MIA2: variants seen among roughly 807,000 people sequenced by gnomAD.
MIA2 encodes melanoma inhibitory activity protein 2.
MIA2 carries 127 observed loss-of-function variants against 167.8 expected under a neutral mutation model. That is an observed-to-expected ratio of 0.76 (90% CI 0.66 to 0.88). The LOEUF (loss-of-function observed/expected upper bound fraction) is 0.88, where lower values mean the gene tolerates loss of function less well. MIA2 is among the 40% of genes least tolerant of loss of function. The probability of loss-of-function intolerance (pLI) is 0.00; values close to 1 mark genes in which losing one functional copy is unlikely to be tolerated. For missense variants in MIA2, 1,690 were observed against 1,624.7 expected (o/e 1.04, Z -0.69); for synonymous variants, 552 against 541.9 (o/e 1.02, Z -0.26).
chr14:39,323,181 G>A (rs1211672738), intron 24 of MIA2, among the ~76,000 whole-genome samples: 2 of 152,066 alleles, frequency 1.3e-5, no homozygotes, highest in Admixed American at 1.3e-4. Context: ...TATCCTGTTT[G>A]TATCCTCTTT....
At chr14:39,290,512 T>G (rs1461296679) in intron 9 of MIA2, among the ~76,000 whole-genome samples, 1 of 152,204 alleles carries the variant, frequency 6.6e-6, no homozygotes, top group Non-Finnish European at 1.5e-5. Context: ...TTAAAGATTT[T>G]TATATTCCCC....
rs752204140 is a variant in MIA2 at position 39,246,935 on chromosome 14, G to A, written c.361G>A (p.Gly121Arg). Residue 121 changes from glycine to arginine, a missense_variant, in exon 4 of 29, where the codon GGA becomes AGA. Coordinates refer to ENST00000640607, the MANE Select transcript of MIA2 (RefSeq NM_001329214.4). The part of the protein sequence containing the change: ...TKESDFLCLL[G>R]VSYTFDNEDS... The stretch of plus-strand genomic sequence containing the variant: ...GGAATCTGACTTTCTTTGTCTTCTT[G>A]GAGTAAGTTACACATTTGACAATGA... 21 of 1,512,558 alleles carry A rather than the reference G, an allele frequency of 1.4e-5. No homozygotes were observed. In the South Asian group the frequency reaches 2.5e-4, roughly 18 times the overall value. The allele number at this position is 1,512,558 out of a possible 1,614,324, so 93.7% of individuals were successfully genotyped here.
chr14:39,253,235 A>G (rs2054656178), intron 6 of MIA2, 64 bp downstream of exon 6: 1 of 1,585,870 alleles, frequency 6.3e-7, no homozygotes, highest in Non-Finnish European at 8.6e-7. Context: ...AAGAGTGGCT[A>G]CAAAATATGT....
intron 25 of MIA2, among the ~76,000 whole-genome samples, chr14:39,327,323 C>T (rs1339982387): frequency 6.6e-6 from 1 of 152,082 alleles, no homozygotes; most frequent in African/African-American, 2.4e-5. Flanking sequence ...AGTGAAAAAT[C>T]CCTTTTGTCA....
intron 11 of MIA2, among the ~76,000 whole-genome samples, chr14:39,293,772 G>A (rs567265838): frequency 6.6e-6 from 1 of 152,234 alleles, no homozygotes; most frequent in Non-Finnish European, 1.5e-5. Flanking sequence ...GACTTATCTT[G>A]AGCCTATATA....
At chr14:39,382,790 A>G (rs2075192962) in intron 23 of MIA2, among the ~76,000 whole-genome samples, 1 of 151,984 alleles carries the variant, frequency 6.6e-6, no homozygotes, top group Admixed American at 6.6e-5. Flanking sequence ...CAGACTTTTT[A>G]TTTTCCTTTC....
chr14:39,376,717 C>G (rs6571929), intron 23 of MIA2, among the ~76,000 whole-genome samples: 1 of 151,998 alleles, frequency 6.6e-6, no homozygotes, highest in Non-Finnish European at 1.5e-5. Flanking sequence ...CCTTTCTCCA[C>G]AGATGATTTT....
intron 4 of MIA2, among the ~76,000 whole-genome samples, chr14:39,250,427 G>T (rs1300157783): frequency 6.6e-6 from 1 of 151,936 alleles, no homozygotes; most frequent in East Asian, 1.9e-4. Context: ...GGGGTGTGGT[G>T]GCTCATGCCT....
chr14:39,317,467 C>T (rs1358022524), intron 21 of MIA2, among the ~76,000 whole-genome samples: 1 of 152,074 alleles, frequency 6.6e-6, no homozygotes, highest in Non-Finnish European at 1.5e-5. Context: ...CCCAGGCTGG[C>T]TGAGTTTAGA....
At chr14:39,344,980 A>G (rs1255029840) in intron 25 of MIA2, among the ~76,000 whole-genome samples, 1 of 152,144 alleles carries the variant, frequency 6.6e-6, no homozygotes, top group Non-Finnish European at 1.5e-5. Flanking sequence ...TTGGTGTCCA[A>G]ATTTGTGTCT....
chr14:39,375,131 C>G (rs1274822856), intron 23 of MIA2, among the ~76,000 whole-genome samples: 2 of 152,146 alleles, frequency 1.3e-5, no homozygotes, highest in Non-Finnish European at 2.9e-5. Context: ...AGCATGTGCT[C>G]CCAATTAAAA....
downstream of MIA2, among the ~76,000 whole-genome samples, chr14:39,355,445 A>G (rs1050503660): frequency 1.3e-5 from 2 of 152,068 alleles, no homozygotes; most frequent in Non-Finnish European, 2.9e-5. Context: ...GCTTAAGGAG[A>G]TTTTGGGCTG....
intron 18 of MIA2, among the ~76,000 whole-genome samples, chr14:39,313,127 A>G (rs1420772757): frequency 4.7e-5 from 7 of 149,578 alleles, no homozygotes; most frequent in Non-Finnish European, 8.9e-5. Flanking sequence ...GTAGTTCTGT[A>G]TTAGACACAA....
At position 39,348,863 on chromosome 14, in the gene MIA2, T is replaced by C. The variant is rs376423122; in HGVS notation, c.3958T>C (p.Phe1320Leu). ...GTTTCCAGTGGATGCAAGAGGCCCATTCTTGAGAAGAGGACCTCCTTTCCC... is the reference window on the plus strand; with the variant it reads ...GTTTCCAGTGGATGCAAGAGGCCCACTCTTGAGAAGAGGACCTCCTTTCCC... ...PLFPVDARGP[F>L]LRRGPPFPPP... The change falls in exon 28 of 29, where the codon TTC becomes CTC. Residue 1320 changes from phenylalanine (F) to leucine (L), a missense_variant. By Grantham distance (22) the Phe-to-Leu change is conservative (BLOSUM62 0). Transcript: ENST00000640607. 6.8e-6 allele frequency: 11 copies of C among 1,614,138 alleles called. No individual in the cohort carries two copies. The highest frequency in any genetic ancestry group is 9.3e-6 in the Non-Finnish European group (11 of 1,180,008).
rs1298664960 is a variant in MIA2, at chr14:39,277,696, A to G, written c.2019+631A>G. Among the ~76,000 whole-genome samples the G allele has an allele frequency of 8.4e-4, 5 of 5,968 alleles. 1 individual carries two copies. Among genetic ancestry groups the G allele is most frequent in the African/African-American group, 8.1e-3 (5 of 618 alleles). The allele number at this position is 5,968 out of a possible 152,430, so 3.9% of individuals were successfully genotyped here. On this transcript the variant is annotated intron_variant, in intron 7 of 28. Coordinates refer to ENST00000640607, the MANE Select transcript of MIA2 (RefSeq NM_001329214.4). ...TTTATATATATATATATGTGTGTAT[A>G]TATATATATATATATATATGTGTGT...
Position 39,315,733 on chromosome 14 carries a change from T to C in MIA2, c.3216+15T>C, listed in dbSNP as rs1291535553. On this transcript the variant is annotated intron_variant, in intron 21 of 28. Coordinates refer to ENST00000640607, the MANE Select transcript of MIA2 (RefSeq NM_001329214.4). ...ATGATAATTGGGTAAGTTTAAAATT[T>C]CCTTAAGTCTCTTTTGTCAAATTGT... is the stretch of plus-strand genomic sequence containing the variant. The C allele has an allele frequency of 1.1e-5, 16 of 1,519,712 alleles. No individual in the cohort carries two copies. Among genetic ancestry groups the C allele is most frequent in the Non-Finnish European group, 1.4e-5 (16 of 1,109,922 alleles). 94.1% of individuals were successfully genotyped at this position (1,519,712 alleles called of 1,614,324 possible).
Position 39,234,010 on chromosome 14 carries a change from T to C in MIA2, c.-105T>C, listed in dbSNP as rs1566577285. 5 of 588,506 alleles carry C rather than the reference T, an allele frequency of 8.5e-6. No homozygotes were observed. The highest frequency in any genetic ancestry group is 1.2e-5 in the Non-Finnish European group (4 of 339,608). 36.5% of individuals were successfully genotyped at this position (588,506 alleles called of 1,614,324 possible). A position where few individuals can be genotyped will look rare whatever the true frequency, so the allele number is the denominator to read the frequency against. On this transcript the variant is annotated 5_prime_UTR_variant, in exon 1 of 29. Coordinates refer to ENST00000640607, the MANE Select transcript of MIA2 (RefSeq NM_001329214.4). ...TTTAAAACTTCAACCCTTTTTCTCT[T>C]ATAGTTAGTGAAGAGAGTAGAATAT...
At chr14:39,299,124 CT>C (rs2061981536) in intron 13 of MIA2, among the ~76,000 whole-genome samples, 1 of 119,972 alleles carries the variant, frequency 8.3e-6, no homozygotes, top group African/African-American at 3.1e-5. Flanking sequence ...AGTTATTTAT[CT>C]TTAAATGTCA....
At chr14:39,347,362 A>T (rs990862738) in intron 26 of MIA2, among the ~76,000 whole-genome samples, 11 of 152,148 alleles carry the variant, frequency 7.2e-5, no homozygotes, top group African/African-American at 2.7e-4. Flanking sequence ...GGACGGAAGG[A>T]AGAAGAGGAG....
Sources: allele counts gnomAD v4.1 joint callset (sites outside exome capture counted in the v4.1 genomes callset), GRCh38; gene constraint gnomAD v4.1.1; transcripts MANE v1.5; gene names NCBI Gene and HGNC (gene_info 2026-07-23, HGNC 2026-07-21).